TMEM183A: variants seen among roughly 807,000 people sequenced by gnomAD.
The protein encoded by TMEM183A is chromosome 1 open reading frame 37.
TMEM183A carries 21 observed loss-of-function variants against 46.7 expected under a neutral mutation model. That is an observed-to-expected ratio of 0.45 (90% CI 0.32 to 0.65). The LOEUF (loss-of-function observed/expected upper bound fraction) is 0.65. Among genes scored for constraint, TMEM183A ranks in the 30% least tolerant of loss-of-function variants. The pLI is 0.04. For missense variants in TMEM183A, 331 were observed against 481.9 expected, an observed-to-expected ratio of 0.69 and a Z score of 2.93; for synonymous variants, 165 against 180.2, an observed-to-expected ratio of 0.92 and a Z score of 0.68.
intron 3 of TMEM183A, among the ~76,000 whole-genome samples, chr1:203,009,633 C>T (rs1308432923): frequency 6.6e-6 from 1 of 152,090 alleles, no homozygotes; most frequent in Non-Finnish European, 1.5e-5. Flanking sequence ...AGGTGCTATG[C>T]CATCATGCCT....
intron 3 of TMEM183A, among the ~76,000 whole-genome samples, chr1:203,010,837 T>C (rs1025415490): frequency 6.6e-6 from 1 of 152,244 alleles, no homozygotes; most frequent in East Asian, 1.9e-4. Flanking sequence ...CCCATACTTA[T>C]TAGCATCCCT....
rs756062791 is a variant in TMEM183A at position 203,008,781 on chromosome 1, C to G, written c.338C>G (p.Ser113Cys). The part of the protein sequence containing the change: ...QEESIHERTV[S>C]RKKKSKRHKE... ...GAAAGCATCCATGAGAGAACTGTCT[C>G]CAGAAAAAAGAAAAGCAAGAGACAC... The change falls in exon 3 of 8, where the codon TCC becomes TGC. Residue 113 changes from serine to cysteine, a missense_variant. Physicochemically the swap from Ser to Cys is moderately radical, Grantham distance 112. This residue lies in a region of TMEM183A where 233 missense variants were observed against 385.8 expected (regional missense o/e 0.60). Coordinates refer to ENST00000367242, the MANE Select transcript of TMEM183A (RefSeq NM_138391.6). 9.9e-5 allele frequency: 159 copies of G among 1,606,684 alleles called. No individual in the cohort carries two copies. Among genetic ancestry groups the G allele is most frequent in the Non-Finnish European group, 1.3e-4 (150 of 1,176,848 alleles).
At chr1:203,009,461 T>C (rs186756770) in intron 3 of TMEM183A, among the ~76,000 whole-genome samples, 1 of 152,292 alleles carries the variant, frequency 6.6e-6, no homozygotes, top group Admixed American at 6.5e-5. Flanking sequence ...TCAGAATCTC[T>C]TGGGGTGGAA....
At chr1:203,018,351 C>A in intron 5 of TMEM183A, 130 bp from the exon 6 acceptor site, 1 of 1,043,474 alleles carries the variant, frequency 9.6e-7, no homozygotes. Context: ...AGTAAAATCT[C>A]AGCATTGGGA....
intron 5 of TMEM183A, 64 bp downstream of exon 5, chr1:203,016,204 G>A (rs780746969): frequency 6.2e-7 from 1 of 1,607,830 alleles, no homozygotes; most frequent in South Asian, 1.1e-5. Flanking sequence ...TGTTATCATG[G>A]CTTGTCTCCA....
At chr1:203,008,961 GC>G in intron 3 of TMEM183A, 151 bp downstream of exon 3, 3 of 716,870 alleles carry the variant, frequency 4.2e-6, no homozygotes, top group Non-Finnish European at 6.1e-6. Context: ...TTGGTAGTGG[GC>G]CGGGATTTAA....
chr1:203,010,129 ACT>A (rs1401549699), intron 3 of TMEM183A, among the ~76,000 whole-genome samples: 2 of 130,388 alleles, frequency 1.5e-5, no homozygotes, highest in South Asian at 2.6e-4. Flanking sequence ...ACAGAGCAAG[ACT>A]CTGTCTCAAA....
intron 2 of TMEM183A, 128 bp from the exon 3 acceptor site, chr1:203,008,515 C>G (rs1486652211): frequency 3.5e-6 from 2 of 571,762 alleles, no homozygotes; most frequent in African/African-American, 2.7e-5. Flanking sequence ...GTGACAGATT[C>G]TCACCTTTCT....
rs1026692813 is a variant in TMEM183A, at chr1:203,017,648, C to T, written c.709-833C>T. 1.2e-5 allele frequency: 9 copies of T among 758,222 alleles called. 1 individual carries two copies. In the African/African-American group the frequency reaches 1.7e-4, roughly 14 times the overall value. 47.0% of individuals were successfully genotyped at this position (758,222 alleles called of 1,614,324 possible). On this transcript the variant is annotated intron_variant, in intron 5 of 7. Coordinates refer to ENST00000367242, the MANE Select transcript of TMEM183A (RefSeq NM_138391.6). The stretch of plus-strand genomic sequence containing the variant: ...CGTGCATGGCCTTGCCACTTGTATA[C>T]CCATGATTGCGTGGCATTCAGGGAG...
rs144395596 is a variant in TMEM183A at position 203,022,943 on chromosome 1, G to A, written c.1034G>A (p.Arg345His). The change falls in exon 8 of 8, where the codon CGC becomes CAC. Residue 345 changes from arginine (R) to histidine (H), a missense_variant. Arg to His is a conservative substitution (Grantham distance 29). This residue lies in a region of TMEM183A where 233 missense variants were observed against 385.8 expected (regional missense o/e 0.60). Transcript: ENST00000367242. The part of the protein sequence containing the change: ...DSPVHGGRKL[R>H]SEQGVQVILD... ...CCTGTCCATGGTGGTCGGAAACTGC[G>A]CAGTGAACAGGGTGTGCAAGTCATC... 9.9e-6 allele frequency: 16 copies of A among 1,612,700 alleles called. No homozygotes were observed. Among genetic ancestry groups the A allele is most frequent in the South Asian group, 2.2e-5 (2 of 91,010 alleles).
At position 203,015,987 on chromosome 1, in the gene TMEM183A, T is replaced by G. The variant is rs770582206; in HGVS notation, c.555T>G (p.Pro185=). The G allele has an allele frequency of 4.3e-6, 7 of 1,614,024 alleles. No individual in the cohort carries two copies. The South Asian group carries it at 7.7e-5, about 18-fold the overall frequency. ...ACTACACGCTGGATGCTTCCCTGCC[T>G]TTGCGTCTGCGACCAGAGTCAATGG... The part of the protein sequence containing the change: ...RRHYTLDASL[P]LRLRPESMEK... Residue 185 remains proline (P), a synonymous_variant, in exon 5 of 8, where the codon CCT becomes CCG. Coordinates refer to ENST00000367242, the MANE Select transcript of TMEM183A (RefSeq NM_138391.6).
chr1:203,017,961 T>C (rs1330270312), intron 5 of TMEM183A: 1 of 985,174 alleles, frequency 1.0e-6, no homozygotes, highest in East Asian at 1.1e-4. Flanking sequence ...TAGCCTGACT[T>C]TCACTGAGGG....
At position 203,020,945 on chromosome 1, in the gene TMEM183A, T is replaced by G. The variant is rs779088019; in HGVS notation, c.942T>G (p.Thr314=). Residue 314 remains threonine, a synonymous_variant, in exon 7 of 8, where the codon ACT becomes ACG. Transcript: ENST00000367242. ...CGATTGTCATGGGAATGATATTTAC[T>G]CTGGTAAGTGGGGACTCAGGATGTC... ...FIPIVMGMIF[T]LFTINVSTDM... is the part of the protein sequence containing the mutation. 34 of 1,606,460 alleles carry G rather than the reference T, an allele frequency of 2.1e-5. No individual in the cohort carries two copies. The highest frequency in any genetic ancestry group is 2.5e-6 in the Non-Finnish European group (3 of 1,176,740).
chr1:203,018,925 T>G (rs1365537316), intron 6 of TMEM183A, among the ~76,000 whole-genome samples: 1 of 152,216 alleles, frequency 6.6e-6, no homozygotes, highest in Non-Finnish European at 1.5e-5. Context: ...GCCTCCCCAG[T>G]AGGTCACCTC....
At chr1:203,007,951 T>C in intron 2 of TMEM183A, 88 bp downstream of exon 2, 1 of 1,522,172 alleles carries the variant, frequency 6.6e-7, no homozygotes, top group East Asian at 2.3e-5. Flanking sequence ...CCTTTAGTCG[T>C]CTTCCTGTAA....
In TMEM183A at chr1:203,022,930, G is replaced by A; in HGVS notation, c.1021G>A (p.Gly341Ser). ...GTTCCAAGATTCCCCTGTCCATGGT[G>A]GTCGGAAACTGCGCAGTGAACAGGG... ...LVFQDSPVHG[G>S]RKLRSEQGVQ... The change falls in exon 8 of 8, where the codon GGT becomes AGT. Residue 341 changes from glycine to serine, a missense_variant. Coordinates refer to ENST00000367242, the MANE Select transcript of TMEM183A (RefSeq NM_138391.6). 3 of 1,613,140 alleles carry A rather than the reference G, an allele frequency of 1.9e-6. No homozygotes were observed. The highest frequency in any genetic ancestry group is 2.2e-5 in the East Asian group (1 of 44,850).
At chr1:203,021,631 A>G (rs1046176394) in intron 7 of TMEM183A, among the ~76,000 whole-genome samples, 1 of 152,198 alleles carries the variant, frequency 6.6e-6, no homozygotes, top group African/African-American at 2.4e-5. Context: ...AGGCATGCAT[A>G]TGGGGTTACA....
At chr1:203,022,441 G>A (rs1657786609) in intron 7 of TMEM183A, among the ~76,000 whole-genome samples, 1 of 152,078 alleles carries the variant, frequency 6.6e-6, no homozygotes, top group Admixed American at 6.5e-5. Flanking sequence ...GGTGGCTCAT[G>A]CCTGTAATCC....
At chr1:203,012,982 A>G (rs1656815518) in intron 3 of TMEM183A, among the ~76,000 whole-genome samples, 1 of 152,198 alleles carries the variant, frequency 6.6e-6, no homozygotes, top group Non-Finnish European at 1.5e-5. Flanking sequence ...GGCCTCCCAA[A>G]GCGTTGAGAT....
Sources: allele counts gnomAD v4.1 joint callset (sites outside exome capture counted in the v4.1 genomes callset), GRCh38; gene constraint gnomAD v4.1.1; regional missense constraint gnomAD v4.1.1; transcripts MANE v1.5; gene names NCBI Gene and HGNC (gene_info 2026-07-23, HGNC 2026-07-21).